The following GNAI3 variants were observed in gnomAD, a reference collection of about 807,000 sequenced individuals.
GNAI3 encodes the protein guanine nucleotide-binding protein G(i) subunit alpha-3.
In GNAI3, 12 loss-of-function variants were observed where a neutral mutation model predicts 41.8. That is an observed-to-expected ratio of 0.29 (90% confidence interval 0.18 to 0.47). The LOEUF is 0.47. Ranked by LOEUF, GNAI3 falls within the 20% of genes least tolerant of loss-of-function variation. GNAI3 has a pLI of 1.00. For synonymous variants in GNAI3, 132 were observed against 146.5 expected, an observed-to-expected ratio of 0.90 and a Z score of 0.71; for missense variants, 360 against 429.6, an observed-to-expected ratio of 0.84 and a Z score of 1.43.
At chr1:109,559,205 A>G (rs892975683) in intron 1 of GNAI3, among the ~76,000 whole-genome samples, 1 of 152,120 alleles carries the variant, frequency 6.6e-6, no homozygotes, top group African/African-American at 2.4e-5. Context: ...AAGAAAAGAA[A>G]AAGAAAAAAT....
At chr1:109,550,587 G>A (rs532694983) in intron 1 of GNAI3, among the ~76,000 whole-genome samples, 1 of 151,594 alleles carries the variant, frequency 6.6e-6, no homozygotes, top group African/African-American at 2.4e-5. Context: ...AGGCTGGAGT[G>A]CAGTGGCGCG....
chr1:109,564,142 G>A (rs1648389859), intron 1 of GNAI3, among the ~76,000 whole-genome samples: 1 of 151,336 alleles, frequency 6.6e-6, no homozygotes, highest in Non-Finnish European at 1.5e-5. Flanking sequence ...AAAGGTGTTT[G>A]TGGGAATACA....
chr1:109,580,824 G>C (rs1648872282), intron 4 of GNAI3, among the ~76,000 whole-genome samples: 1 of 152,184 alleles, frequency 6.6e-6, no homozygotes, highest in Admixed American at 6.5e-5. Context: ...TATACAGTCT[G>C]TTGTTGACCA....
intron 7 of GNAI3, among the ~76,000 whole-genome samples, chr1:109,587,622 T>C (rs1471779943): frequency 6.6e-6 from 1 of 152,172 alleles, no homozygotes; most frequent in Non-Finnish European, 1.5e-5. Context: ...TACTAGAGTT[T>C]ACAGTGGCAG....
chr1:109,588,374 A>C (rs568370134), intron 7 of GNAI3, among the ~76,000 whole-genome samples: 13 of 151,520 alleles, frequency 8.6e-5, no homozygotes, highest in African/African-American at 3.1e-4. Flanking sequence ...TGAGCAAAAA[A>C]AAAAAAAAGA....
In GNAI3 at chr1:109,586,745, G is replaced by T; in HGVS notation, c.737G>T (p.Ser246Ile). ...EDEEMNRMHE[S>I]MKLFDSICNN... Reference sequence around the variant, plus strand: ...CTTTTTCAGAACCGAATGCATGAAAGCATGAAACTGTTTGACAGCATTTGT... The same window carrying T: ...CTTTTTCAGAACCGAATGCATGAAATCATGAAACTGTTTGACAGCATTTGT... The change falls in exon 7 of 9, where the codon AGC (serine) becomes ATC (isoleucine). Residue 246 changes from serine (S) to isoleucine (I), a missense_variant. Physicochemically the swap from Ser to Ile is moderately radical, Grantham distance 142. Coordinates refer to ENST00000369851, the MANE Select transcript of GNAI3 (RefSeq NM_006496.4). 6.2e-7 allele frequency: 1 copy of T among 1,603,546 alleles called. No individual in the cohort carries two copies. Among genetic ancestry groups the T allele is most frequent in the Non-Finnish European group, 8.5e-7 (1 of 1,173,364 alleles).
chr1:109,564,665 C>G (rs900411355), intron 1 of GNAI3, among the ~76,000 whole-genome samples: 4 of 152,158 alleles, frequency 2.6e-5, no homozygotes, highest in Non-Finnish European at 5.9e-5. Flanking sequence ...CACCAACAGC[C>G]TGTGACTAGG....
chr1:109,556,873 A>G (rs541855818), intron 1 of GNAI3, among the ~76,000 whole-genome samples: 8 of 152,316 alleles, frequency 5.3e-5, no homozygotes, highest in African/African-American at 1.7e-4. Context: ...TAGGATTTTA[A>G]TATTTTATTT....
In GNAI3 at chr1:109,597,712, C is replaced by T. The variant is rs892725020; in HGVS notation, c.*5390C>T. 6.6e-6 allele frequency: 1 copy of T among 152,110 alleles called. No homozygotes were observed. The highest frequency in any genetic ancestry group is 2.4e-5 in the African/African-American group (1 of 41,422). 9.4% of individuals were successfully genotyped at this position (152,110 alleles called of 1,614,324 possible). A position where few individuals can be genotyped will look rare whatever the true frequency, so the allele number is the denominator to read the frequency against. ...AAGAAACCTAGGATGTCCAAACATT[C>T]ATTTCATTTATTTTACTGCATTTAT... On this transcript the variant is annotated 3_prime_UTR_variant, in exon 9 of 9. Transcript: ENST00000369851.
intron 7 of GNAI3, among the ~76,000 whole-genome samples, chr1:109,588,509 C>T (rs1649091078): frequency 6.6e-6 from 1 of 152,134 alleles, no homozygotes; most frequent in South Asian, 2.1e-4. Flanking sequence ...ATGTAACTGC[C>T]AGGGATGGAT....
In GNAI3 at chr1:109,599,637, C is replaced by G. The variant is rs1246645899; in HGVS notation, c.*7315C>G. ...CTATGCTAGGGAAGTACATTATGGT[C>G]TCTCCCTCTAAGAATATGAAGAGGA... On this transcript the variant is annotated 3_prime_UTR_variant, in exon 9 of 9. Transcript: ENST00000369851. The G allele has an allele frequency of 6.6e-6, 1 of 152,136 alleles. No individual in the cohort carries two copies. Among genetic ancestry groups the G allele is most frequent in the African/African-American group, 2.4e-5 (1 of 41,404 alleles). 9.4% of individuals were successfully genotyped at this position (152,136 alleles called of 1,614,324 possible). A position where few individuals can be genotyped will look rare whatever the true frequency, so the allele number is the denominator to read the frequency against.
rs1184071666 is a variant in GNAI3, at chr1:109,582,466, A to G, written c.491A>G (p.Gln164Arg). 1 of 1,601,374 alleles carries G rather than the reference A, an allele frequency of 6.2e-7. No homozygotes were observed. The highest frequency in any genetic ancestry group is 2.2e-5 in the East Asian group (1 of 44,808). ...CTAAATGATCTGGATAGAATATCCC[A>G]GTCTAACTACATTCCAACTCAGCAA... ...YYLNDLDRIS[Q>R]SNYIPTQQDV... The change falls in exon 5 of 9, where the codon CAG becomes CGG. Residue 164 changes from glutamine to arginine, a missense_variant. Gln to Arg is a conservative substitution (Grantham distance 43). Transcript: ENST00000369851.
chr1:109,592,049 A>G lies in GNAI3; in HGVS notation c.881A>G (p.Asn294Ser), dbSNP rs750147979. 3.7e-6 allele frequency: 6 copies of G among 1,606,050 alleles called. No homozygotes were observed. Among genetic ancestry groups the G allele is most frequent in the South Asian group, 1.1e-5 (1 of 90,694 alleles). Reference sequence around the variant, plus strand: ...TACTGGGTGTCCGTTTTAGGTTCCAATACATATGAAGAGGCAGCTGCCTAT... The same window carrying G: ...TACTGGGTGTCCGTTTTAGGTTCCAGTACATATGAAGAGGCAGCTGCCTAT... ...TICYPEYTGSNTYEEAAAYIQ... is the reference protein window; with the variant it reads ...TICYPEYTGSSTYEEAAAYIQ... The change falls in exon 8 of 9, where the codon AAT becomes AGT. Residue 294 changes from asparagine to serine, a missense_variant. Asn to Ser is a conservative substitution (Grantham distance 46). Transcript: ENST00000369851.
chr1:109,562,037 A>G (rs1371376772), intron 1 of GNAI3, among the ~76,000 whole-genome samples: 1 of 152,076 alleles, frequency 6.6e-6, no homozygotes, highest in African/African-American at 2.4e-5. Flanking sequence ...GAGGATTTGG[A>G]GAGTGTTTAT....
Position 109,592,549 on chromosome 1 carries a change from G to A in GNAI3, c.*227G>A, listed in dbSNP as rs1361190988. ...AAGAACTATAAAGTGTGATTCGATC[G>A]TCAAGACATCACTTGGATTTCTTAA... On this transcript the variant is annotated 3_prime_UTR_variant, in exon 9 of 9. Coordinates refer to ENST00000369851, the MANE Select transcript of GNAI3 (RefSeq NM_006496.4). 3 of 191,216 alleles carry A rather than the reference G, an allele frequency of 1.6e-5. No homozygotes were observed. The highest frequency in any genetic ancestry group is 3.2e-5 in the Non-Finnish European group (3 of 93,422). The allele number at this position is 191,216 out of a possible 1,614,324, so 11.8% of individuals were successfully genotyped here. A position where few individuals can be genotyped will look rare whatever the true frequency, so the allele number is the denominator to read the frequency against.
chr1:109,591,345 T>C lies in GNAI3; in HGVS notation c.875-698T>C, dbSNP rs116212438. On this transcript the variant is annotated intron_variant, in intron 7 of 8. Transcript: ENST00000369851. Reference sequence around the variant, plus strand: ...AATACAAACAATCCCATAGCGTTTATTGCCATCTTTTAGTAACATAAGGGT... The same window carrying C: ...AATACAAACAATCCCATAGCGTTTACTGCCATCTTTTAGTAACATAAGGGT... 6.5e-3 allele frequency among the ~76,000 whole-genome samples: 987 copies of C among 152,278 alleles called. 4 individuals are homozygous for C. The highest frequency in any genetic ancestry group is 0.011 in the Non-Finnish European group (719 of 68,026).
At chr1:109,577,041 T>C (rs1162229166) in intron 3 of GNAI3, among the ~76,000 whole-genome samples, 3 of 151,510 alleles carry the variant, frequency 2.0e-5, no homozygotes, top group African/African-American at 7.3e-5. Context: ...AAAGTAGTGC[T>C]TAATAAGGTT....
chr1:109,548,854 C>T lies in GNAI3; in HGVS notation c.118+16C>T, dbSNP rs531162276. ...CTGCTACTCGGTGAGGGGCTGGAGG[C>T]GGGGACTGAGTGGTGGTCGGGAGAG... is the stretch of plus-strand genomic sequence containing the variant. On this transcript the variant is annotated intron_variant, in intron 1 of 8. Coordinates refer to ENST00000369851, the MANE Select transcript of GNAI3 (RefSeq NM_006496.4). 3.9e-5 allele frequency: 60 copies of T among 1,520,618 alleles called. No individual in the cohort carries two copies. The highest frequency in any genetic ancestry group is 1.7e-4 in the Middle Eastern group (1 of 5,854). The allele number at this position is 1,520,618 out of a possible 1,614,324, so 94.2% of individuals were successfully genotyped here. A position where few individuals can be genotyped will look rare whatever the true frequency, so the allele number is the denominator to read the frequency against.
At chr1:109,557,359 T>G (rs1054339544) in intron 1 of GNAI3, among the ~76,000 whole-genome samples, 1 of 152,222 alleles carries the variant, frequency 6.6e-6, no homozygotes, top group Non-Finnish European at 1.5e-5. Flanking sequence ...ACTTACCTGG[T>G]CCTAACCATA....
Sources: gnomAD v4.1 joint callset for allele counts (sites outside exome capture counted in the v4.1 genomes callset) on GRCh38, gnomAD v4.1.1 for gene constraint, MANE v1.5 for transcripts, NCBI Gene and HGNC (gene_info 2026-07-23, HGNC 2026-07-21) for gene names.